Variants in RANBP3L observed in about 807,000 individuals in gnomAD.
RANBP3L encodes the protein RAN binding protein 3 like.
RANBP3L carries 56 observed loss-of-function variants against 67.2 expected under a neutral mutation model. The observed-to-expected ratio is 0.83, with a 90% confidence interval of 0.67 to 1.04. The LOEUF is 1.04. Among genes scored for constraint, RANBP3L ranks in the 50% least tolerant of loss-of-function variants. The probability of loss-of-function intolerance (pLI) is 0.00; values close to 1 mark genes in which losing one functional copy is unlikely to be tolerated. For synonymous variants in RANBP3L, 164 were observed against 181.4 expected, an observed-to-expected ratio of 0.90 and a Z score of 0.77; for missense variants, 496 against 535.5, an observed-to-expected ratio of 0.93 and a Z score of 0.73.
Position 36,256,532 on chromosome 5 carries a change from A to G in RANBP3L, c.903+409T>C, listed in dbSNP as rs532873817. On this transcript the variant is annotated intron_variant, in intron 10 of 13. Transcript: ENST00000296604. ...TTCTAAACTTTTTTAAAGGAAGCTAAATTTTATATGAAATTCTAAACTTTT... is the reference window on the plus strand; with the variant it reads ...TTCTAAACTTTTTTAAAGGAAGCTAGATTTTATATGAAATTCTAAACTTTT... 2.3e-3 allele frequency among the ~76,000 whole-genome samples: 351 copies of G among 152,276 alleles called. 5 individuals are homozygous for G. The highest frequency in any genetic ancestry group is 3.6e-3 in the Non-Finnish European group (244 of 67,988).
chr5:36,270,772 A>G (rs6451270), intron 2 of RANBP3L, among the ~76,000 whole-genome samples: 133,535 of 152,308 alleles, frequency 0.88, 59,690 homozygotes, highest in Non-Finnish European at 0.97. Flanking sequence ...TGCGGGGATT[A>G]CAGGCACAAG....
intron 1 of RANBP3L, among the ~76,000 whole-genome samples, chr5:36,272,613 T>A (rs1376342509): frequency 6.6e-6 from 1 of 152,074 alleles, no homozygotes; most frequent in African/African-American, 2.4e-5. Flanking sequence ...ATAAACTGTT[T>A]TGTGTTTAGT....
At chr5:36,265,370 CA>C in intron 5 of RANBP3L, 78 bp downstream of exon 5, 3 of 911,774 alleles carry the variant, frequency 3.3e-6, no homozygotes, top group Non-Finnish European at 5.1e-6. Flanking sequence ...GCCCCCAACA[CA>C]CGCACACATA....
At chr5:36,283,676 A>C (rs867541395) in intron 1 of RANBP3L, among the ~76,000 whole-genome samples, 5 of 151,986 alleles carry the variant, frequency 3.3e-5, no homozygotes, top group Middle Eastern at 3.4e-3. Flanking sequence ...TTTCCTCTTT[A>C]CTCTTACTCT....
rs779171924 is a variant in RANBP3L at position 36,269,384 on chromosome 5, A to G, written c.268+6T>C. Reference sequence around the variant, plus strand: ...GTGAATAGTCAACAGTCAAGGCTATACATACCTCCCTGGGACTGAGAATCT... The same window carrying G: ...GTGAATAGTCAACAGTCAAGGCTATGCATACCTCCCTGGGACTGAGAATCT... On this transcript the variant is annotated splice_donor_region_variant and intron_variant, in intron 4 of 13. Transcript: ENST00000296604. 4 of 1,504,304 alleles carry G rather than the reference A, an allele frequency of 2.7e-6. No individual in the cohort carries two copies. The African/African-American group carries it at 4.1e-5, about 15-fold the overall frequency. The allele number at this position is 1,504,304 out of a possible 1,614,324, so 93.2% of individuals were successfully genotyped here.
intron 11 of RANBP3L, among the ~76,000 whole-genome samples, chr5:36,254,295 C>A (rs567605812): frequency 6.4e-4 from 97 of 152,090 alleles, no homozygotes; most frequent in African/African-American, 2.1e-3. Flanking sequence ...CTTTTACAAT[C>A]TATGTGTACA....
chr5:36,276,907 T>A lies in RANBP3L; in HGVS notation c.92-5596A>T, dbSNP rs148189119. On this transcript the variant is annotated intron_variant, in intron 1 of 13. Transcript: ENST00000296604. ...GTCCCCAAGTTTCTGCTACACAGCT[T>A]CCCCCACCTAGATTACAGTACACCT... 3.9e-3 allele frequency among the ~76,000 whole-genome samples: 601 copies of A among 152,238 alleles called. 2 individuals are homozygous for A. The highest frequency in any genetic ancestry group is 6.2e-3 in the Non-Finnish European group (421 of 68,008).
intron 1 of RANBP3L, among the ~76,000 whole-genome samples, chr5:36,281,629 T>A (rs1429872946): frequency 6.6e-6 from 1 of 152,198 alleles, no homozygotes; most frequent in Non-Finnish European, 1.5e-5. Flanking sequence ...TGATCCTATA[T>A]TGTGTGAGTC....
chr5:36,299,606 C>T (rs1752478717), intron 1 of RANBP3L, among the ~76,000 whole-genome samples: 1 of 152,074 alleles, frequency 6.6e-6, no homozygotes, highest in Admixed American at 6.6e-5. Context: ...CACAATTTCA[C>T]TTCTAAGAAT....
At chr5:36,268,010 CAT>C (rs1749932985) in intron 4 of RANBP3L, among the ~76,000 whole-genome samples, 1 of 152,194 alleles carries the variant, frequency 6.6e-6, no homozygotes, top group Non-Finnish European at 1.5e-5. Flanking sequence ...AAGGTAAAAA[CAT>C]ATACTCAGAA....
At position 36,251,484 on chromosome 5, in the gene RANBP3L, T is replaced by A; in HGVS notation, c.1183A>T (p.Thr395Ser). Residue 395 changes from threonine (T) to serine (S), a missense_variant, in exon 13 of 14, where the codon ACA (threonine) becomes TCA (serine). Coordinates refer to ENST00000296604, the MANE Select transcript of RANBP3L (RefSeq NM_145000.5). ...IFLIQASAQD[T>S]AYLYAAIHHR... ...TGTATTGCTGCATACAAATATGCTG[T>A]ATCTTGGGCACTGGCCTGCATGAGG... 1 of 1,608,556 alleles carries A rather than the reference T, an allele frequency of 6.2e-7. No individual in the cohort carries two copies. Among genetic ancestry groups the A allele is most frequent in the Non-Finnish European group, 8.5e-7 (1 of 1,176,298 alleles).
chr5:36,266,674 G>T (rs1025933974), intron 4 of RANBP3L, among the ~76,000 whole-genome samples: 2 of 151,968 alleles, frequency 1.3e-5, no homozygotes, highest in Middle Eastern at 3.2e-3. Context: ...ACTTAAAGTC[G>T]TTCCTTTGTT....
chr5:36,281,660 C>T (rs1016283443), intron 1 of RANBP3L, among the ~76,000 whole-genome samples: 4 of 152,056 alleles, frequency 2.6e-5, no homozygotes, highest in Non-Finnish European at 4.4e-5. Flanking sequence ...TCAGTTTTGC[C>T]GTCTATAAAA....
In RANBP3L at chr5:36,262,053, A is replaced by G; in HGVS notation, c.481-11T>C. On this transcript the variant is annotated splice_polypyrimidine_tract_variant and intron_variant, in intron 6 of 13. Transcript: ENST00000296604. ...ATTTCCCTCAGAAATCTGAAAGTAA[A>G]GAAATCCATCAAAAAGTTTATAAAG... 7.2e-7 allele frequency: 1 copy of G among 1,383,758 alleles called. No individual in the cohort carries two copies. The highest frequency in any genetic ancestry group is 1.0e-6 in the Non-Finnish European group (1 of 974,022). 85.7% of individuals were successfully genotyped at this position (1,383,758 alleles called of 1,614,324 possible). A position where few individuals can be genotyped will look rare whatever the true frequency, so the allele number is the denominator to read the frequency against.
rs372481953 is a variant in RANBP3L, at chr5:36,260,904, A to G, written c.585-40T>C. 2.5e-4 allele frequency: 206 copies of G among 832,124 alleles called. 1 individual carries two copies. The highest frequency in any genetic ancestry group is 3.3e-4 in the Non-Finnish European group (170 of 514,100). The allele number at this position is 832,124 out of a possible 1,614,324, so 51.5% of individuals were successfully genotyped here. Reference sequence around the variant, plus strand: ...TAAGCATTTACTATTTTAAATACATAGATAAAGCCATTTTAAACCTTGAAA... The same window carrying G: ...TAAGCATTTACTATTTTAAATACATGGATAAAGCCATTTTAAACCTTGAAA... On this transcript the variant is annotated intron_variant, in intron 7 of 13. Coordinates refer to ENST00000296604, the MANE Select transcript of RANBP3L (RefSeq NM_145000.5).
At chr5:36,275,183 T>C (rs886351212) in intron 1 of RANBP3L, among the ~76,000 whole-genome samples, 2 of 152,178 alleles carry the variant, frequency 1.3e-5, no homozygotes, top group Non-Finnish European at 2.9e-5. Context: ...CACTTGTAAT[T>C]CTGCTCCACA....
chr5:36,277,450 G>A (rs1559232), intron 1 of RANBP3L, among the ~76,000 whole-genome samples: 11,076 of 94,354 alleles, frequency 0.12, 609 homozygotes, highest in African/African-American at 0.23. Context: ...ATGTGTGTGT[G>A]TGTGTGTGTG....
intron 13 of RANBP3L, among the ~76,000 whole-genome samples, chr5:36,250,065 A>G (rs1238124696): frequency 2.0e-5 from 3 of 151,892 alleles, no homozygotes; most frequent in Non-Finnish European, 4.4e-5. Flanking sequence ...TTTTATTAAG[A>G]TAGTTACATA....
At position 36,301,547 on chromosome 5, in the gene RANBP3L, C is replaced by T; in HGVS notation, c.-131G>A. Reference sequence around the variant, plus strand: ...GCAGATCTTGTCTTTGCATGTACAACATATACTCCTCTACTAAACTTCCAA... The same window carrying T: ...GCAGATCTTGTCTTTGCATGTACAATATATACTCCTCTACTAAACTTCCAA... On this transcript the variant is annotated 5_prime_UTR_variant, in exon 1 of 14. The change abolishes an upstream ATG in the 5' untranslated region. Transcript: ENST00000296604. 1.7e-6 allele frequency: 1 copy of T among 585,224 alleles called. No homozygotes were observed. The highest frequency in any genetic ancestry group is 2.4e-5 in the South Asian group (1 of 41,636). The allele number at this position is 585,224 out of a possible 1,614,324, so 36.3% of individuals were successfully genotyped here.
Sources: gnomAD v4.1 joint callset for allele counts (sites outside exome capture counted in the v4.1 genomes callset) on GRCh38, gnomAD v4.1.1 for gene constraint, MANE v1.5 for transcripts, NCBI Gene and HGNC (gene_info 2026-07-23, HGNC 2026-07-21) for gene names.